SMARCA2: variants seen among roughly 807,000 people sequenced by gnomAD.
The protein encoded by SMARCA2 is SWI/SNF related BAF chromatin remodeling complex subunit ATPase 2, also known as SWI/SNF-related matrix-associated actin-dependent regulator of chromatin subfamily A member 2.
In SMARCA2, 61 loss-of-function variants were observed where a neutral mutation model predicts 199.8. The observed-to-expected ratio is 0.31, with a 90% CI of 0.25 to 0.38. The LOEUF is 0.38. Among genes scored for constraint, SMARCA2 ranks in the 10% least tolerant of loss-of-function variants. SMARCA2 has a pLI of 1.00. For synonymous variants in SMARCA2, 935 were observed against 732.0 expected (o/e 1.28, Z -4.48); for missense variants, 1,344 against 2,012.2 (o/e 0.67, Z 6.35).
rs934780125 is a variant in SMARCA2, at chr9:2,101,629, T to A, written c.3125+13T>A. 5.0e-6 allele frequency: 7 copies of A among 1,404,392 alleles called. No individual in the cohort carries two copies. Among genetic ancestry groups the A allele is most frequent in the Admixed American group, 1.8e-5 (1 of 54,834 alleles). 87.0% of individuals were successfully genotyped at this position (1,404,392 alleles called of 1,614,324 possible). A position where few individuals can be genotyped will look rare whatever the true frequency, so the allele number is the denominator to read the frequency against. ...GGGTCATCAATGGGTAAATCTCAAA[T>A]TTTTTTTTCTTTTAAAAAAAAATGT... On this transcript the variant is annotated intron_variant, in intron 22 of 33. Transcript: ENST00000349721.
At position 2,110,487 on chromosome 9, in the gene SMARCA2, T is replaced by C. The variant is rs2130579548; in HGVS notation, c.3456+70T>C. 2.3e-6 allele frequency: 3 copies of C among 1,300,520 alleles called. No homozygotes were observed. The highest frequency in any genetic ancestry group is 1.1e-6 in the Non-Finnish European group (1 of 947,862). 80.6% of individuals were successfully genotyped at this position (1,300,520 alleles called of 1,614,324 possible). A position where few individuals can be genotyped will look rare whatever the true frequency, so the allele number is the denominator to read the frequency against. The stretch of plus-strand genomic sequence containing the variant: ...AACTAAAAGATGATCAGTTTCATTA[T>C]TCACATTTACAGGACAGAGCAAATA... On this transcript the variant is annotated intron_variant, in intron 24 of 33. Transcript: ENST00000349721. This position sits in a 1 kb window ranked among gnomAD's most constrained non-coding sequence, Gnocchi z 4.8.
chr9:2,053,133 C>G (rs1412793285), intron 5 of SMARCA2, among the ~76,000 whole-genome samples: 2 of 152,124 alleles, frequency 1.3e-5, no homozygotes, highest in Non-Finnish European at 2.9e-5. Context: ...CCCTCCCTCC[C>G]CCGTCTAGTA....
intron 4 of SMARCA2, chr9:2,045,604 G>GA (rs1042911685): frequency 6.6e-6 from 1 of 151,570 alleles, no homozygotes; most frequent in African/African-American, 2.4e-5. Context: ...TTTTATACAG[G>GA]AAAAAAAGTA....
intron 32 of SMARCA2, among the ~76,000 whole-genome samples, chr9:2,188,326 T>TATGTG (rs925947277): frequency 6.6e-6 from 1 of 152,216 alleles, no homozygotes; most frequent in Non-Finnish European, 1.5e-5. Context: ...ATGTAAAATG[T>TATGTG]ATGTGATGTA....
intron 1 of SMARCA2, among the ~76,000 whole-genome samples, chr9:2,021,703 T>A (rs1818607771): frequency 6.6e-6 from 1 of 152,166 alleles, no homozygotes; most frequent in Non-Finnish European, 1.5e-5. Context: ...CTGTAAAAAA[T>A]AGATGATCTG....
intron 1 of SMARCA2, among the ~76,000 whole-genome samples, chr9:2,028,202 C>G (rs1048009278): frequency 2.6e-5 from 4 of 152,228 alleles, no homozygotes; most frequent in Admixed American, 6.5e-5. Flanking sequence ...CTGAGGGGGT[C>G]TCTGCTTCAA....
intron 25 of SMARCA2, among the ~76,000 whole-genome samples, chr9:2,118,364 A>G (rs1266430100): frequency 6.6e-6 from 1 of 152,200 alleles, no homozygotes; most frequent in Non-Finnish European, 1.5e-5. Context: ...ATTGGATTGC[A>G]TTCATTTCTA....
At chr9:2,085,839 T>G (rs555827124) in intron 17 of SMARCA2, 16 of 152,416 alleles carry the variant, frequency 1.0e-4, no homozygotes, top group African/African-American at 3.6e-4. Flanking sequence ...ATGTTTTTCT[T>G]GGCCATTGCC....
At chr9:2,090,756 A>C (rs1217290525) in intron 19 of SMARCA2, among the ~76,000 whole-genome samples, 1 of 151,602 alleles carries the variant, frequency 6.6e-6, no homozygotes, top group Non-Finnish European at 1.5e-5. Context: ...GCCCCCCCAC[A>C]TCTCTCTCCA....
chr9:2,082,506 G>C (rs1001772748), intron 15 of SMARCA2, among the ~76,000 whole-genome samples: 1 of 152,158 alleles, frequency 6.6e-6, no homozygotes, highest in Non-Finnish European at 1.5e-5. Context: ...TGAGTTTGCT[G>C]CTTAGTAAGG....
rs1826213204 is a variant in SMARCA2, at chr9:2,170,865, C to T, written c.4253+393C>T. ...TGGTTTAGAAGCTTAATGCGAAGCACCTGTAGTGACTTGATCTCCTGCGAG... is the reference window on the plus strand; with the variant it reads ...TGGTTTAGAAGCTTAATGCGAAGCATCTGTAGTGACTTGATCTCCTGCGAG... On this transcript the variant is annotated intron_variant, in intron 29 of 33. Coordinates refer to ENST00000349721, the MANE Select transcript of SMARCA2 (RefSeq NM_003070.5). The surrounding 1 kb of genome is among the most constrained non-coding windows in gnomAD (Gnocchi z 4.7). Among the ~76,000 whole-genome samples, 1 of 152,202 alleles carries T rather than the reference C, an allele frequency of 6.6e-6. No individual in the cohort carries two copies. The highest frequency in any genetic ancestry group is 2.1e-4 in the South Asian group (1 of 4,836).
chr9:2,170,760 T>C lies in SMARCA2; in HGVS notation c.4253+288T>C, dbSNP rs1184080496. Among the ~76,000 whole-genome samples, 1 of 152,218 alleles carries C rather than the reference T, an allele frequency of 6.6e-6. No homozygotes were observed. Among genetic ancestry groups the C allele is most frequent in the Non-Finnish European group, 1.5e-5 (1 of 68,034 alleles). The stretch of plus-strand genomic sequence containing the variant: ...CGCCCTAACTGCAGCATCTTGGAGA[T>C]GGGTTTCTGTTGCTTCCCCCTCCCT... On this transcript the variant is annotated intron_variant, in intron 29 of 33. Transcript: ENST00000349721. This position sits in a 1 kb window ranked among gnomAD's most constrained non-coding sequence, Gnocchi z 4.7.
chr9:2,104,236 G>C lies in SMARCA2; in HGVS notation c.3292+67G>C. ...AAATGAAGGGATAATGGGCACTTAG[G>C]TCCAATCTCAGCCAAAAAGAAGGGG... On this transcript the variant is annotated intron_variant, in intron 23 of 33. Coordinates refer to ENST00000349721, the MANE Select transcript of SMARCA2 (RefSeq NM_003070.5). The surrounding 1 kb of genome is among the most constrained non-coding windows in gnomAD (Gnocchi z 4.0). The C allele has an allele frequency of 7.1e-7, 1 of 1,405,720 alleles. No homozygotes were observed. Among genetic ancestry groups the C allele is most frequent in the Non-Finnish European group, 9.8e-7 (1 of 1,019,076 alleles). The allele number at this position is 1,405,720 out of a possible 1,614,324, so 87.1% of individuals were successfully genotyped here.
intron 12 of SMARCA2, among the ~76,000 whole-genome samples, chr9:2,075,767 C>T (rs2130437545): frequency 6.6e-6 from 1 of 152,274 alleles, no homozygotes; most frequent in East Asian, 1.9e-4. Flanking sequence ...AAGCGATTCT[C>T]CTGCCTCAGC....
chr9:2,087,427 A>G (rs1251603463), intron 18 of SMARCA2: 1 of 194,270 alleles, frequency 5.1e-6, no homozygotes, highest in African/African-American at 2.3e-5. Flanking sequence ...AACCAACTAA[A>G]TACAAGCTTT....
intron 9 of SMARCA2, among the ~76,000 whole-genome samples, chr9:2,066,309 T>C (rs1423366735): frequency 6.6e-6 from 1 of 152,270 alleles, no homozygotes; most frequent in Non-Finnish European, 1.5e-5. Context: ...TAAAATGGCC[T>C]ACTGAAGTCT....
intron 14 of SMARCA2, 68 bp downstream of exon 14, chr9:2,077,844 C>G: frequency 7.0e-7 from 1 of 1,425,150 alleles, no homozygotes; most frequent in African/African-American, 1.4e-5. Flanking sequence ...TGAAGTATGT[C>G]GTGCACATGT....
Position 2,039,399 on chromosome 9 carries a change from T to G in SMARCA2, c.356-67T>G. 6.9e-7 allele frequency: 1 copy of G among 1,451,104 alleles called. No homozygotes were observed. Among genetic ancestry groups the G allele is most frequent in the Non-Finnish European group, 9.5e-7 (1 of 1,057,672 alleles). 89.9% of individuals were successfully genotyped at this position (1,451,104 alleles called of 1,614,324 possible). ...GTTGCTGTGGACAATTATTAGAGTA[T>G]TCAGGGATATCTCTCTTTCAGGGTT... On this transcript the variant is annotated intron_variant, in intron 3 of 33. Transcript: ENST00000349721. This position sits in a 1 kb window ranked among gnomAD's most constrained non-coding sequence, Gnocchi z 4.8.
Position 2,039,427 on chromosome 9 carries a change from C to A in SMARCA2, c.356-39C>A, listed in dbSNP as rs777128694. Reference sequence around the variant, plus strand: ...AGGGATATCTCTCTTTCAGGGTTGTCAGGGGCAGCCTGTGATTTCCTTTTG... The same window carrying A: ...AGGGATATCTCTCTTTCAGGGTTGTAAGGGGCAGCCTGTGATTTCCTTTTG... On this transcript the variant is annotated intron_variant, in intron 3 of 33. Transcript: ENST00000349721. The surrounding 1 kb of genome is among the most constrained non-coding windows in gnomAD (Gnocchi z 4.8). 2.5e-6 allele frequency: 4 copies of A among 1,589,268 alleles called. No homozygotes were observed. The highest frequency in any genetic ancestry group is 2.3e-5 in the South Asian group (2 of 87,792).
Sources: gnomAD v4.1 joint callset for allele counts (sites outside exome capture counted in the v4.1 genomes callset) on GRCh38, gnomAD v4.1.1 for gene constraint, Gnocchi (gnomAD v3.1) non-coding constraint, MANE v1.5 for transcripts, NCBI Gene and HGNC (gene_info 2026-07-23, HGNC 2026-07-21) for gene names.